The following KANSL1 variants were observed in gnomAD, a reference collection of about 807,000 sequenced individuals.
KANSL1 encodes KAT8 regulatory NSL complex subunit 1.
A neutral mutation model predicts 103.6 loss-of-function variants in KANSL1; 22 were observed. That is an observed-to-expected ratio of 0.21 (90% CI 0.15 to 0.30). The LOEUF (loss-of-function observed/expected upper bound fraction) is 0.30. KANSL1 is among the 10% of genes least tolerant of loss of function. The pLI is 1.00. For missense variants in KANSL1, 1,337 were observed against 1,399.8 expected, an observed-to-expected ratio of 0.96 and a Z score of 0.72; for synonymous variants, 600 against 527.6, an observed-to-expected ratio of 1.14 and a Z score of -1.88.
chr17:46,204,401 G>A (rs1177059088), intron 1 of KANSL1, among the ~76,000 whole-genome samples: 2 of 152,178 alleles, frequency 1.3e-5, no homozygotes, highest in Non-Finnish European at 2.9e-5. Flanking sequence ...GGAAGTGGAG[G>A]TTGCAGTGAG....
At chr17:46,197,254 C>T (rs1376993619), upstream of KANSL1, among the ~76,000 whole-genome samples, 2 of 152,258 alleles carry the variant, frequency 1.3e-5, no homozygotes, top group Non-Finnish European at 2.9e-5. Context: ...CTCATTACCA[C>T]CATTCCTTGT....
chr17:46,094,489 G>A (rs2041978571), intron 3 of KANSL1, 71 bp downstream of exon 3: 4 of 1,521,506 alleles, frequency 2.6e-6, no homozygotes, highest in East Asian at 2.3e-5. Context: ...TACGAGGTGG[G>A]AGGGGATGTG....
intron 6 of KANSL1, among the ~76,000 whole-genome samples, chr17:46,063,637 G>A (rs1020827365): frequency 3.3e-5 from 5 of 152,186 alleles, no homozygotes; most frequent in African/African-American, 4.8e-5. Flanking sequence ...TTTAGAAAGT[G>A]GCATTGGAAC....
chr17:46,087,739 A>T (rs1269351755), intron 3 of KANSL1, among the ~76,000 whole-genome samples: 5 of 152,204 alleles, frequency 3.3e-5, no homozygotes, highest in African/African-American at 7.2e-5. Flanking sequence ...ATACTTATTC[A>T]TTAACTATAC....
intron 1 of KANSL1, among the ~76,000 whole-genome samples, chr17:46,185,695 A>ACACGCG (rs2046995319): frequency 3.4e-5 from 1 of 29,388 alleles, no homozygotes; most frequent in Non-Finnish European, 1.1e-4. Flanking sequence ...ACATATATAC[A>ACACGCG]CACACACACA....
At chr17:46,177,624 T>C (rs931797537) in intron 1 of KANSL1, among the ~76,000 whole-genome samples, 3 of 147,506 alleles carry the variant, frequency 2.0e-5, no homozygotes, top group Non-Finnish European at 3.1e-5. Flanking sequence ...TAAAAAGTCA[T>C]TGGTTAAGAT....
Position 46,112,724 on chromosome 17 carries a change from A to ATTTTTATTTATTTTATTT in KANSL1, c.1290-18024_1290-18023insAAATAAAATAAATAAAAA, listed in dbSNP as rs751551949. Among the ~76,000 whole-genome samples, 55 of 145,866 alleles carry ATTTTTATTTATTTTATTT rather than the reference A, an allele frequency of 3.8e-4. 1 individual carries two copies. Among genetic ancestry groups the ATTTTTATTTATTTTATTT allele is most frequent in the Middle Eastern group, 3.6e-3 (1 of 278 alleles). ...ACAAAACAAAAAACTGGGCAGATAA[A>ATTTTTATTTATTTTATTT]TTTTTTTTTTTTTTGAGATGGAGTG... On this transcript the variant is annotated intron_variant, in intron 2 of 14. Transcript: ENST00000432791.
chr17:46,114,875 T>C (rs1438619789), intron 2 of KANSL1, among the ~76,000 whole-genome samples: 1 of 152,364 alleles, frequency 6.6e-6, no homozygotes, highest in Non-Finnish European at 1.5e-5. Flanking sequence ...ATGAATTATA[T>C]CACACGGATT....
intron 7 of KANSL1, among the ~76,000 whole-genome samples, chr17:46,047,944 G>A (rs762970651): frequency 2.7e-5 from 4 of 148,532 alleles, no homozygotes; most frequent in African/African-American, 7.6e-5. Flanking sequence ...TCTCACTACC[G>A]TTCCCCAGGC....
At chr17:46,076,129 G>C (rs958730858) in intron 4 of KANSL1, among the ~76,000 whole-genome samples, 1 of 152,178 alleles carries the variant, frequency 6.6e-6, no homozygotes, top group African/African-American at 2.4e-5. Context: ...AATTAACTTT[G>C]TAAGAAGGCT....
At chr17:46,180,893 A>G (rs1335176667) in intron 1 of KANSL1, among the ~76,000 whole-genome samples, 1 of 152,242 alleles carries the variant, frequency 6.6e-6, no homozygotes, top group Non-Finnish European at 1.5e-5. Context: ...ATATGTATAT[A>G]TAAAATAATG....
chr17:46,043,231 A>T (rs1215679810), intron 7 of KANSL1: 1 of 152,178 alleles, frequency 6.6e-6, no homozygotes, highest in East Asian at 1.9e-4. Flanking sequence ...TATGTAATGG[A>T]ACTCCAAAAA....
At chr17:46,046,284 A>G (rs2077500986) in intron 7 of KANSL1, among the ~76,000 whole-genome samples, 1 of 152,118 alleles carries the variant, frequency 6.6e-6, no homozygotes, top group African/African-American at 2.4e-5. Context: ...CTATAATCCC[A>G]GCACTTTAGG....
rs751870988 is a variant in KANSL1 at position 46,172,154 on chromosome 17, G to C, written c.-11C>G. ...CGCCATCGCAGCCATTCAGCACAGA[G>C]AGACAGGAAGTCCAGCCTCTCCCGA... On this transcript the variant is annotated 5_prime_UTR_variant, in exon 2 of 15. Coordinates refer to ENST00000432791, the MANE Select transcript of KANSL1 (RefSeq NM_015443.4). The C allele has an allele frequency of 1.3e-6, 2 of 1,599,610 alleles. No homozygotes were observed. The highest frequency in any genetic ancestry group is 1.1e-5 in the South Asian group (1 of 90,880).
At chr17:46,191,287 TACTCA>T (rs1349373111) in intron 1 of KANSL1, among the ~76,000 whole-genome samples, 1 of 152,246 alleles carries the variant, frequency 6.6e-6, no homozygotes, top group African/African-American at 2.4e-5. Context: ...AAACAATTAC[TACTCA>T]AAAGTATTCA....
intron 2 of KANSL1, among the ~76,000 whole-genome samples, chr17:46,146,641 A>G (rs1489605406): frequency 3.5e-5 from 4 of 115,000 alleles, no homozygotes; most frequent in East Asian, 2.0e-4. Flanking sequence ...AGACCATCCC[A>G]GCTAAAACGG....
chr17:46,134,557 A>C (rs1052609840), intron 2 of KANSL1, among the ~76,000 whole-genome samples: 1 of 150,732 alleles, frequency 6.6e-6, no homozygotes, highest in Non-Finnish European at 1.5e-5. Context: ...AAAGACGAGG[A>C]GGCCAGGTGT....
intron 2 of KANSL1, among the ~76,000 whole-genome samples, chr17:46,156,067 G>C (rs2532294): frequency 0.14 from 21,961 of 151,996 alleles, 2,137 homozygotes; most frequent in Middle Eastern, 0.22. Context: ...ATGCAGATAG[G>C]CGGGCACAGT....
At chr17:46,213,781 G>A (rs1207566719) in intron 1 of KANSL1, among the ~76,000 whole-genome samples, 5 of 152,114 alleles carry the variant, frequency 3.3e-5, no homozygotes, top group South Asian at 2.1e-4. Context: ...AGCCGGGTGT[G>A]GTGGCACGTG....
Sources: gnomAD v4.1 joint callset for allele counts (sites outside exome capture counted in the v4.1 genomes callset) on GRCh38, gnomAD v4.1.1 for gene constraint, MANE v1.5 for transcripts, NCBI Gene and HGNC (gene_info 2026-07-23, HGNC 2026-07-21) for gene names.